The following COL5A3 variants were observed in gnomAD, a reference collection of about 807,000 sequenced individuals.
COL5A3 encodes collagen type V alpha 3 chain, also known as collagen alpha-3(V) chain.
COL5A3 carries 172 observed loss-of-function variants against 250.0 expected under a neutral mutation model. That is an observed-to-expected ratio of 0.69 (90% confidence interval 0.61 to 0.78). The LOEUF (loss-of-function observed/expected upper bound fraction) is 0.78, where lower values mean the gene tolerates loss of function less well. Among genes scored for constraint, COL5A3 ranks in the 30% least tolerant of loss-of-function variants. COL5A3 has a pLI of 0.00. For missense variants in COL5A3, 2,340 were observed against 2,334.4 expected, an observed-to-expected ratio of 1.00 and a Z score of -0.05; for synonymous variants, 937 against 900.4, an observed-to-expected ratio of 1.04 and a Z score of -0.73.
intron 54 of COL5A3, among the ~76,000 whole-genome samples, chr19:9,970,262 T>G (rs1599533404): frequency 2.6e-5 from 1 of 39,042 alleles, no homozygotes; most frequent in East Asian, 1.1e-3. Flanking sequence ...TGAGGTGGGG[T>G]GTGTGGATGA....
intron 31 of COL5A3, among the ~76,000 whole-genome samples, chr19:9,982,936 G>T (rs1440087552): frequency 6.6e-6 from 1 of 152,058 alleles, no homozygotes; most frequent in Non-Finnish European, 1.5e-5. Context: ...GCTCACTGCA[G>T]CTTCAACCTT....
At chr19:9,980,892 GA>G in intron 33 of COL5A3, 33 bp from the exon 34 acceptor site, 1 of 1,591,280 alleles carries the variant, frequency 6.3e-7, no homozygotes, top group Non-Finnish European at 8.6e-7. Context: ...GATCAGATAT[GA>G]GGGGGTGGGG....
chr19:9,980,129 C>T (rs1401985487), intron 35 of COL5A3, 82 bp from the exon 36 acceptor site: 3 of 1,343,918 alleles, frequency 2.2e-6, no homozygotes, highest in East Asian at 2.5e-5. Context: ...ACAACAGGAT[C>T]GAGCACATAT....
intron 32 of COL5A3, among the ~76,000 whole-genome samples, chr19:9,981,521 A>T (rs1353696003): frequency 6.6e-6 from 1 of 152,232 alleles, no homozygotes; most frequent in African/African-American, 2.4e-5. Context: ...CTGTAAACAC[A>T]TGAAGGCCTG....
intron 1 of COL5A3, among the ~76,000 whole-genome samples, chr19:10,007,567 T>A (rs2087461497): frequency 1.3e-5 from 2 of 148,734 alleles, no homozygotes; most frequent in African/African-American, 2.5e-5. Context: ...GATTCCCCCA[T>A]CCCCCAACCC....
chr19:9,998,537 G>T lies in COL5A3; in HGVS notation c.1111-388C>A, dbSNP rs572213830. ...GTGTATATATCATGCAAAGATGAAT[G>T]AATTAAAACAATGCTTGGCACACAA... is the stretch of plus-strand genomic sequence containing the variant. On this transcript the variant is annotated intron_variant, in intron 8 of 66. Coordinates refer to ENST00000264828, the MANE Select transcript of COL5A3 (RefSeq NM_015719.4). 1.1e-4 allele frequency among the ~76,000 whole-genome samples: 16 copies of T among 152,270 alleles called. No homozygotes were observed. In the South Asian group the frequency reaches 3.1e-3, roughly 30 times the overall value.
Position 10,010,402 on chromosome 19 carries a change from G to A in COL5A3, c.-17C>T, listed in dbSNP as rs1478581341. ...GTTCCCCATCCCGGCGGGGCCCACG[G>A]GCAAGGCGGGGAACCAGTCGGGGCG... On this transcript the variant is annotated 5_prime_UTR_variant, in exon 1 of 67. Coordinates refer to ENST00000264828, the MANE Select transcript of COL5A3 (RefSeq NM_015719.4). The A allele has an allele frequency of 5.0e-6, 7 of 1,404,810 alleles. No homozygotes were observed. Among genetic ancestry groups the A allele is most frequent in the Non-Finnish European group, 6.5e-6 (7 of 1,073,564 alleles). The allele number at this position is 1,404,810 out of a possible 1,614,324, so 87.0% of individuals were successfully genotyped here. A position where few individuals can be genotyped will look rare whatever the true frequency, so the allele number is the denominator to read the frequency against.
intron 24 of COL5A3, 104 bp downstream of exon 24, chr19:9,991,506 A>T (rs2087188346): frequency 2.2e-6 from 2 of 929,098 alleles, no homozygotes; most frequent in Non-Finnish European, 3.2e-6. Flanking sequence ...GCAGTCTATC[A>T]CTATCCAGAG....
At chr19:9,972,223 A>T (rs912237865) in intron 51 of COL5A3, among the ~76,000 whole-genome samples, 4 of 152,218 alleles carry the variant, frequency 2.6e-5, no homozygotes, top group Non-Finnish European at 5.9e-5. Flanking sequence ...TTATTCATTC[A>T]CATATTCATA....
chr19:9,966,000 T>A (rs536552030), intron 64 of COL5A3, among the ~76,000 whole-genome samples: 1 of 151,388 alleles, frequency 6.6e-6, no homozygotes, highest in South Asian at 2.1e-4. Flanking sequence ...TGCCCGCCAG[T>A]TTTTTAATTC....
At chr19:9,998,704 A>T (rs184482899) in intron 8 of COL5A3, among the ~76,000 whole-genome samples, 3,669 of 142,494 alleles carry the variant, frequency 0.026, 84 homozygotes, top group East Asian at 0.13. Context: ...TTTTTTTTTT[A>T]AATGGAGTCT....
At chr19:9,994,332 C>G (rs1332831635) in intron 16 of COL5A3, among the ~76,000 whole-genome samples, 1 of 151,566 alleles carries the variant, frequency 6.6e-6, no homozygotes, top group East Asian at 1.9e-4. Flanking sequence ...GTGCACACCA[C>G]CACACCTGGC....
rs376475081 is a variant in COL5A3, at chr19:9,979,873, C to G, written c.2678G>C (p.Gly893Ala). The change falls in exon 37 of 67, where the codon GGG becomes GCG. Residue 893 changes from glycine to alanine, a missense_variant. Physicochemically the swap from Gly to Ala is moderately conservative, Grantham distance 60. Coordinates refer to ENST00000264828, the MANE Select transcript of COL5A3 (RefSeq NM_015719.4). ...KGPPGHQGKD[G>A]RPGHPGQRGE... ...TCTCTGTCCAGGGTGCCCTGGTCGC[C>G]CATCTTTACCTTGGTGACCCTGGGG... 179 of 1,574,456 alleles carry G rather than the reference C, an allele frequency of 1.1e-4. No individual in the cohort carries two copies. The highest frequency in any genetic ancestry group is 2.3e-4 in the Admixed American group (11 of 48,380).
At chr19:9,971,055 AG>A in intron 52 of COL5A3, 27 bp from the exon 53 acceptor site, 2 of 1,492,364 alleles carry the variant, frequency 1.3e-6, no homozygotes, top group Admixed American at 2.5e-5. Flanking sequence ...CAGAGTTGGG[AG>A]GGGTGATGAG....
chr19:9,969,805 C>A (rs2086803079), intron 55 of COL5A3, 64 bp downstream of exon 55: 2 of 1,597,498 alleles, frequency 1.3e-6, no homozygotes. Context: ...TCCACCCTCT[C>A]CTGATGGCCC....
intron 8 of COL5A3, among the ~76,000 whole-genome samples, chr19:9,998,731 C>T (rs889521714): frequency 6.6e-6 from 1 of 151,084 alleles, no homozygotes; most frequent in Non-Finnish European, 1.5e-5. Context: ...GTCCCCCAGG[C>T]TGGAGTGCAG....
intron 45 of COL5A3, among the ~76,000 whole-genome samples, chr19:9,974,829 G>A (rs2086897540): frequency 6.6e-6 from 1 of 152,106 alleles, no homozygotes; most frequent in South Asian, 2.1e-4. Context: ...ACAGGTCTGG[G>A]TCAGGGCTTG....
At chr19:9,971,364 A>G (rs1270798790) in intron 51 of COL5A3, 106 bp from the exon 52 acceptor site, 3 of 810,384 alleles carry the variant, frequency 3.7e-6, no homozygotes, top group South Asian at 3.6e-5. Flanking sequence ...CTGGGGACAC[A>G]TTAGTGAACA....
At chr19:9,979,277 C>T (rs535062492) in intron 38 of COL5A3, 38 bp from the exon 39 acceptor site, 1 of 1,601,108 alleles carries the variant, frequency 6.2e-7, no homozygotes, top group South Asian at 1.1e-5. Flanking sequence ...TGGGGGTGGC[C>T]TAGGGGAGTC....
Sources: allele counts gnomAD v4.1 joint callset (sites outside exome capture counted in the v4.1 genomes callset), GRCh38; gene constraint gnomAD v4.1.1; transcripts MANE v1.5; gene names NCBI Gene and HGNC (gene_info 2026-07-23, HGNC 2026-07-21).